MIA2: variants seen among roughly 807,000 people sequenced by gnomAD.
MIA2 encodes the protein MIA SH3 domain ER export factor 2, also known as melanoma inhibitory activity protein 2.
Under a neutral mutation model 167.8 loss-of-function variants are expected in MIA2, and 127 were observed. The observed-to-expected ratio is 0.76, with a 90% CI of 0.66 to 0.88. The LOEUF (loss-of-function observed/expected upper bound fraction) is 0.88, where lower values mean the gene tolerates loss of function less well. Among genes scored for constraint, MIA2 ranks in the 40% least tolerant of loss-of-function variants. The pLI is 0.00. For missense variants in MIA2, 1,690 were observed against 1,624.7 expected, an observed-to-expected ratio of 1.04 and a Z score of -0.69; for synonymous variants, 552 against 541.9, an observed-to-expected ratio of 1.02 and a Z score of -0.26.
At chr14:39,339,874 C>T (rs1379790321) in intron 25 of MIA2, among the ~76,000 whole-genome samples, 1 of 152,158 alleles carries the variant, frequency 6.6e-6, no homozygotes, top group East Asian at 1.9e-4. Flanking sequence ...GAGACAGAAT[C>T]TCACTCTGTC....
At chr14:39,265,441 G>C (rs2055440150) in intron 6 of MIA2, 4 of 1,594,842 alleles carry the variant, frequency 2.5e-6, no homozygotes, top group African/African-American at 1.3e-5. Flanking sequence ...TAACTATTAA[G>C]CATACTGAAA....
At chr14:39,349,189 A>G (rs548092152) in intron 28 of MIA2, among the ~76,000 whole-genome samples, 7 of 152,334 alleles carry the variant, frequency 4.6e-5, no homozygotes, top group African/African-American at 1.2e-4. Flanking sequence ...TCTTAATAAT[A>G]TAGAATTATT....
intron 23 of MIA2, among the ~76,000 whole-genome samples, chr14:39,361,421 G>C (rs938536160): frequency 1.4e-5 from 2 of 141,474 alleles, no homozygotes; most frequent in African/African-American, 5.3e-5. Context: ...CTCTGACTAG[G>C]ACTTTTAGGT....
intron 6 of MIA2, among the ~76,000 whole-genome samples, chr14:39,264,480 G>A (rs1321074088): frequency 4.6e-5 from 7 of 152,164 alleles, no homozygotes; most frequent in Admixed American, 1.3e-4. Context: ...TTGCTGGGTC[G>A]AATGGTGGTT....
intron 23 of MIA2, among the ~76,000 whole-genome samples, chr14:39,359,892 T>G (rs2074635860): frequency 6.6e-6 from 1 of 152,224 alleles, no homozygotes; most frequent in East Asian, 1.9e-4. Flanking sequence ...ATTTTAGTTT[T>G]CTGAGAAATC....
At chr14:39,241,061 C>T (rs893909483) in intron 3 of MIA2, among the ~76,000 whole-genome samples, 1 of 152,188 alleles carries the variant, frequency 6.6e-6, no homozygotes, top group African/African-American at 2.4e-5. Context: ...GTACATAGAA[C>T]AGCATTAAAT....
rs555888152 is a variant in MIA2 at position 39,361,179 on chromosome 14, G to A, written c.2248+12202G>A. On this transcript the variant is annotated intron_variant, in intron 23 of 23. Coordinates refer to the MIA2 transcript ENST00000341502. ...TTTAGGATTGTTTTTCTATTTCTGT[G>A]AAAAATTATGTTGGTATTTTGATAG... Among the ~76,000 whole-genome samples, 6 of 152,222 alleles carry A rather than the reference G, an allele frequency of 3.9e-5. No individual in the cohort carries two copies. In the East Asian group the frequency reaches 1.2e-3, roughly 29 times the overall value.
chr14:39,294,439 C>A (rs902178315), intron 12 of MIA2, among the ~76,000 whole-genome samples: 1 of 151,162 alleles, frequency 6.6e-6, no homozygotes, highest in Non-Finnish European at 1.5e-5. Context: ...CTCAAGTGAT[C>A]GGCCCACCTC....
intron 2 of MIA2, among the ~76,000 whole-genome samples, chr14:39,238,324 C>T (rs1471035188): frequency 2.0e-5 from 3 of 151,890 alleles, no homozygotes; most frequent in Non-Finnish European, 4.4e-5. Flanking sequence ...AGGTGTCTGC[C>T]ACCACACCTG....
Position 39,277,070 on chromosome 14 carries a change from G to C in MIA2, c.2019+5G>C. On this transcript the variant is annotated splice_donor_5th_base_variant and intron_variant, in intron 7 of 28. Coordinates refer to ENST00000640607, the MANE Select transcript of MIA2 (RefSeq NM_001329214.4). ...TTGTGGAGAAGTTTTAGATCGGTAA[G>C]TAACCAGTGCTATACTAAGAGAATG... 6.2e-7 allele frequency: 1 copy of C among 1,613,358 alleles called. No homozygotes were observed. Among genetic ancestry groups the C allele is most frequent in the Non-Finnish European group, 8.5e-7 (1 of 1,179,746 alleles).
rs777425988 is a variant in MIA2, at chr14:39,279,471, A to G, written c.2064A>G (p.Leu688=). Residue 688 remains leucine (L), a synonymous_variant, in exon 9 of 29, where the codon CTA becomes CTG. Transcript: ENST00000640607. ...TAGGACGAGAGAAAAAGCTTGCTCT[A>G]ATGCTTTCTGGACTAATTGAAGAAA... The part of the protein sequence containing the change: ...LYVGREKKLA[L]MLSGLIEEKS... 8 of 1,609,218 alleles carry G rather than the reference A, an allele frequency of 5.0e-6. No homozygotes were observed. Among genetic ancestry groups the G allele is most frequent in the African/African-American group, 1.3e-5 (1 of 74,600 alleles).
At chr14:39,294,886 A>G in intron 12 of MIA2, 39 bp from the exon 13 acceptor site, 1 of 1,351,540 alleles carries the variant, frequency 7.4e-7, no homozygotes. Flanking sequence ...TATGTATTAA[A>G]TTAATTGTTA....
chr14:39,374,904 C>T (rs1320930396), intron 23 of MIA2, among the ~76,000 whole-genome samples: 1 of 152,152 alleles, frequency 6.6e-6, no homozygotes, highest in African/African-American at 2.4e-5. Flanking sequence ...TAGGTAAAAC[C>T]TTAGGAAGCA....
chr14:39,245,130 G>A (rs2054238939), intron 3 of MIA2, among the ~76,000 whole-genome samples: 1 of 138,552 alleles, frequency 7.2e-6, no homozygotes, highest in African/African-American at 2.7e-5. Flanking sequence ...AGGCTGGAAT[G>A]AAGTGGTGCA....
intron 7 of MIA2, among the ~76,000 whole-genome samples, chr14:39,278,135 G>A (rs2058439795): frequency 6.6e-6 from 1 of 151,722 alleles, no homozygotes; most frequent in South Asian, 2.1e-4. Context: ...TACCATGCCT[G>A]GCTAATTTTT....
intron 25 of MIA2, among the ~76,000 whole-genome samples, chr14:39,332,173 G>T (rs1006360749): frequency 6.6e-6 from 1 of 151,978 alleles, no homozygotes; most frequent in South Asian, 2.1e-4. Flanking sequence ...TTGTCTTCAC[G>T]CTTTATTTTA....
chr14:39,344,397 C>T (rs1292496151), intron 25 of MIA2, among the ~76,000 whole-genome samples: 1 of 152,066 alleles, frequency 6.6e-6, no homozygotes, highest in Non-Finnish European at 1.5e-5. Context: ...TTGGTATTGA[C>T]CTTTTCTTTC....
intron 24 of MIA2, among the ~76,000 whole-genome samples, chr14:39,324,009 T>C (rs2066971866): frequency 6.6e-6 from 1 of 152,230 alleles, no homozygotes; most frequent in African/African-American, 2.4e-5. Context: ...CCTGTTATTT[T>C]TCCTTACTTT....
intron 6 of MIA2, among the ~76,000 whole-genome samples, chr14:39,275,145 G>GTGTGTGTGTGTA (rs2057797218): frequency 6.7e-6 from 1 of 148,484 alleles, no homozygotes; most frequent in Admixed American, 6.7e-5. Flanking sequence ...TCCTTTGTGT[G>GTGTGTGTGTGTA]TGTGTGTGTG....
Sources: gnomAD v4.1 joint callset for allele counts (sites outside exome capture counted in the v4.1 genomes callset) on GRCh38, gnomAD v4.1.1 for gene constraint, MANE v1.5 for transcripts, NCBI Gene and HGNC (gene_info 2026-07-23, HGNC 2026-07-21) for gene names.